Variants in AGAP3 observed in about 807,000 individuals in gnomAD.
AGAP3 encodes the protein ArfGAP with GTPase domain, ankyrin repeat and PH domain 3.
A neutral mutation model predicts 96.9 loss-of-function variants in AGAP3; 24 were observed. The observed-to-expected ratio is 0.25, with a 90% CI of 0.18 to 0.35. The LOEUF is 0.35. Among genes scored for constraint, AGAP3 ranks in the 10% least tolerant of loss-of-function variants. The pLI is 1.00. For synonymous variants in AGAP3, 563 were observed against 536.1 expected, an observed-to-expected ratio of 1.05 and a Z score of -0.69; for missense variants, 876 against 1,254.2, an observed-to-expected ratio of 0.70 and a Z score of 4.55.
chr7:151,124,254 C>T (rs1017592745), intron 9 of AGAP3, among the ~76,000 whole-genome samples: 1 of 152,174 alleles, frequency 6.6e-6, no homozygotes, highest in African/African-American at 2.4e-5. Flanking sequence ...GAAGGGGATA[C>T]TGAGGGCTAG....
rs1453196155 is a variant in AGAP3 at position 151,114,716 on chromosome 7, G to GGCCCAGCCCCGT, written c.332-2072_332-2061dup. 46 of 1,001,202 alleles carry GGCCCAGCCCCGT rather than the reference G, an allele frequency of 4.6e-5. No homozygotes were observed. Among genetic ancestry groups the GGCCCAGCCCCGT allele is most frequent in the Non-Finnish European group, 5.3e-5 (45 of 841,546 alleles). The allele number at this position is 1,001,202 out of a possible 1,614,324, so 62.0% of individuals were successfully genotyped here. On this transcript the variant is annotated intron_variant, in intron 1 of 17. Transcript: ENST00000397238. This position sits in a 1 kb window ranked among gnomAD's most constrained non-coding sequence, Gnocchi z 4.4. ...GCGCCCCGGCCGCGGCCCCGGCCCG[G>GGCCCAGCCCCGT]GCCCAGCCCCGTGCCCCTCGCCATG...
rs901919695 is a variant in AGAP3 at position 151,141,884 on chromosome 7, C to T, written c.1805-14C>T. On this transcript the variant is annotated splice_polypyrimidine_tract_variant and intron_variant, in intron 13 of 17. Transcript: ENST00000397238. The surrounding 1 kb of genome is among the most constrained non-coding windows in gnomAD (Gnocchi z 4.2). Reference sequence around the variant, plus strand: ...AGGCCAGGAGCCCTGATGGCATAAACACCCCCCCAACAGAGGCAGAGGAGT... The same window carrying T: ...AGGCCAGGAGCCCTGATGGCATAAATACCCCCCCAACAGAGGCAGAGGAGT... 1.9e-6 allele frequency: 3 copies of T among 1,614,130 alleles called. No homozygotes were observed. The highest frequency in any genetic ancestry group is 2.2e-5 in the South Asian group (2 of 91,080).
Position 151,114,835 on chromosome 7 carries a change from C to T in AGAP3, c.332-1958C>T, listed in dbSNP as rs1440426220. On this transcript the variant is annotated intron_variant, in intron 1 of 17. Coordinates refer to ENST00000397238, the MANE Select transcript of AGAP3 (RefSeq NM_031946.7). This position sits in a 1 kb window ranked among gnomAD's most constrained non-coding sequence, Gnocchi z 4.4. Reference sequence around the variant, plus strand: ...GAGCGGCCCGCCGCTTGCCGCCGCGCCCACAGCGTCTGCGACTCGCTGGAC... The same window carrying T: ...GAGCGGCCCGCCGCTTGCCGCCGCGTCCACAGCGTCTGCGACTCGCTGGAC... 14 of 1,056,994 alleles carry T rather than the reference C, an allele frequency of 1.3e-5. No homozygotes were observed. Among genetic ancestry groups the T allele is most frequent in the Non-Finnish European group, 8.0e-6 (7 of 876,896 alleles). The allele number at this position is 1,056,994 out of a possible 1,614,324, so 65.5% of individuals were successfully genotyped here.
intron 1 of AGAP3, 71 bp downstream of exon 1, chr7:151,087,143 G>C: frequency 1.4e-6 from 2 of 1,473,082 alleles, no homozygotes; most frequent in African/African-American, 2.8e-5. Flanking sequence ...GGCTCCACAG[G>C]CCGTGCCTGG....
At chr7:151,115,486 C>A in intron 1 of AGAP3, 2 of 1,017,422 alleles carry the variant, frequency 2.0e-6, no homozygotes, top group Non-Finnish European at 1.2e-6. Flanking sequence ...GGCTCCGACG[C>A]CCCGCGCGCA....
chr7:151,126,164 G>T (rs931847519), intron 9 of AGAP3, among the ~76,000 whole-genome samples: 3 of 152,132 alleles, frequency 2.0e-5, no homozygotes, highest in African/African-American at 7.2e-5. Context: ...GCGTTGCCGA[G>T]GACGGGGGCG....
At chr7:151,086,217 G>A (rs996673777), upstream of AGAP3, among the ~76,000 whole-genome samples, 27 of 152,198 alleles carry the variant, frequency 1.8e-4, 1 homozygote, top group African/African-American at 6.5e-4. Context: ...AGGCAATGCG[G>A]GTGGGGGCTG....
At chr7:151,116,240 G>T (rs1191009180) in intron 1 of AGAP3, 1 of 153,200 alleles carries the variant, frequency 6.5e-6, no homozygotes, top group Non-Finnish European at 1.5e-5. Flanking sequence ...GAGGAGGCGG[G>T]TGGGGTAGAT....
At chr7:151,123,998 C>A in intron 9 of AGAP3, 112 bp downstream of exon 9, 1 of 1,075,166 alleles carries the variant, frequency 9.3e-7, no homozygotes, top group Non-Finnish European at 1.4e-6. Flanking sequence ...CATCAGAGGC[C>A]AGCACCACCC....
At chr7:151,110,010 C>T (rs1585059272) in intron 1 of AGAP3, among the ~76,000 whole-genome samples, 2 of 152,232 alleles carry the variant, frequency 1.3e-5, no homozygotes, top group East Asian at 1.9e-4. Flanking sequence ...TTAAGGAGAC[C>T]GTGGCTGGTC....
intron 11 of AGAP3, among the ~76,000 whole-genome samples, chr7:151,134,892 T>G (rs999386299): frequency 2.6e-5 from 4 of 152,000 alleles, no homozygotes; most frequent in Non-Finnish European, 5.9e-5. Flanking sequence ...TGCCTCTGGG[T>G]GCATGGCCGG....
intron 1 of AGAP3, among the ~76,000 whole-genome samples, chr7:151,102,347 C>T (rs759295357): frequency 2.6e-5 from 4 of 152,132 alleles, no homozygotes; most frequent in Non-Finnish European, 4.4e-5. Flanking sequence ...TACTCAAACG[C>T]GCCACCCCAC....
intron 1 of AGAP3, among the ~76,000 whole-genome samples, chr7:151,095,862 C>A (rs1022035769): frequency 2.0e-5 from 3 of 149,648 alleles, no homozygotes; most frequent in African/African-American, 7.4e-5. Flanking sequence ...CTGGATGGTT[C>A]TATATTGGGT....
chr7:151,111,645 A>G (rs1799291271), intron 1 of AGAP3, among the ~76,000 whole-genome samples: 1 of 150,684 alleles, frequency 6.6e-6, no homozygotes, highest in Non-Finnish European at 1.5e-5. Context: ...GAAACTGGGC[A>G]TAACTAGAGT....
chr7:151,089,195 G>T (rs1798283639), intron 1 of AGAP3, among the ~76,000 whole-genome samples: 1 of 152,060 alleles, frequency 6.6e-6, no homozygotes, highest in African/African-American at 2.4e-5. Context: ...TCCAGTTTCT[G>T]CCCTATATCC....
chr7:151,127,664 C>T (rs1800234277), intron 9 of AGAP3, among the ~76,000 whole-genome samples: 1 of 152,178 alleles, frequency 6.6e-6, no homozygotes. Flanking sequence ...CCATTCCCAG[C>T]TGTTGCCTTG....
chr7:151,112,724 A>G (rs1386379893), intron 1 of AGAP3, among the ~76,000 whole-genome samples: 2 of 151,912 alleles, frequency 1.3e-5, no homozygotes, highest in Non-Finnish European at 1.5e-5. Flanking sequence ...TCAGCCTCTC[A>G]AGTAGCTGGG....
At chr7:151,138,925 C>T (rs1584788785) in intron 12 of AGAP3, among the ~76,000 whole-genome samples, 1 of 152,198 alleles carries the variant, frequency 6.6e-6, no homozygotes, top group African/African-American at 2.4e-5. Flanking sequence ...CCGCCTCTCC[C>T]GTCTGCCCCT....
intron 1 of AGAP3, among the ~76,000 whole-genome samples, chr7:151,106,059 T>C (rs1481479018): frequency 1.3e-5 from 2 of 152,036 alleles, no homozygotes; most frequent in Admixed American, 1.3e-4. Flanking sequence ...TTTGAAAATA[T>C]GAAACAGACC....
Sources: allele counts gnomAD v4.1 joint callset (sites outside exome capture counted in the v4.1 genomes callset), GRCh38; gene constraint gnomAD v4.1.1; non-coding constraint Gnocchi (gnomAD v3.1); transcripts MANE v1.5; gene names NCBI Gene and HGNC (gene_info 2026-07-23, HGNC 2026-07-21).